Variants in HS6ST3 observed in about 807,000 individuals in gnomAD.
HS6ST3 encodes heparan sulfate 6-O-sulfotransferase 3.
In HS6ST3, 12 loss-of-function variants were observed where a neutral mutation model predicts 36.7. The ratio of observed to expected loss-of-function variants is 0.33; its 90% CI spans 0.21 to 0.53. HS6ST3 has a LOEUF of 0.53. HS6ST3 is among the 20% of genes least tolerant of loss of function. The pLI is 0.95. For missense variants in HS6ST3, 584 were observed against 640.9 expected, an observed-to-expected ratio of 0.91 and a Z score of 0.96; for synonymous variants, 240 against 257.5, an observed-to-expected ratio of 0.93 and a Z score of 0.65.
chr13:96,486,852 G>A (rs569507868), intron 1 of HS6ST3, among the ~76,000 whole-genome samples: 7 of 152,266 alleles, frequency 4.6e-5, no homozygotes, highest in Admixed American at 2.0e-4. Flanking sequence ...TGAGAAGGCA[G>A]TAAACTAAGA....
intron 1 of HS6ST3, among the ~76,000 whole-genome samples, chr13:96,349,207 T>C (rs114070066): frequency 0.022 from 3,366 of 152,290 alleles, 123 homozygotes; most frequent in African/African-American, 0.078. Flanking sequence ...TTAGTGGAGA[T>C]TGGTCTGCTA....
chr13:96,387,775 CT>C (rs1048682723), intron 1 of HS6ST3, among the ~76,000 whole-genome samples: 89 of 152,160 alleles, frequency 5.8e-4, no homozygotes, highest in African/African-American at 2.1e-3. Context: ...TTCCTTATCC[CT>C]TTATTTATTT....
intron 1 of HS6ST3, among the ~76,000 whole-genome samples, chr13:96,409,960 C>T (rs975423787): frequency 2.0e-5 from 3 of 151,880 alleles, no homozygotes; most frequent in Admixed American, 6.6e-5. Flanking sequence ...ATTCCTACCC[C>T]GAGCAGTATG....
chr13:96,406,245 A>T (rs890010685), intron 1 of HS6ST3, among the ~76,000 whole-genome samples: 1 of 152,240 alleles, frequency 6.6e-6, no homozygotes, highest in Non-Finnish European at 1.5e-5. Flanking sequence ...TTAATTATGA[A>T]AACAATGTAA....
At position 96,673,128 on chromosome 13, in the gene HS6ST3, T is replaced by C. The variant is rs571412583; in HGVS notation, c.708-159362T>C. Among the ~76,000 whole-genome samples, 90 of 152,254 alleles carry C rather than the reference T, an allele frequency of 5.9e-4. 1 individual carries two copies. Among genetic ancestry groups the C allele is most frequent in the African/African-American group, 2.1e-3 (88 of 41,578 alleles). On this transcript the variant is annotated intron_variant, in intron 1 of 1. Coordinates refer to ENST00000376705, the MANE Select transcript of HS6ST3 (RefSeq NM_153456.4). ...TACGCTGGTGGCCATATCACATCAG[T>C]CTTCAAGGCCAGCATCTTTAAGTCT...
chr13:96,532,542 C>T (rs1462169899), intron 1 of HS6ST3, among the ~76,000 whole-genome samples: 1 of 152,176 alleles, frequency 6.6e-6, no homozygotes, highest in African/African-American at 2.4e-5. Flanking sequence ...CTAAGCAGGA[C>T]TCAAAGAAGG....
chr13:96,380,255 A>G, intron 1 of HS6ST3, among the ~76,000 whole-genome samples: 1 of 131,974 alleles, frequency 7.6e-6, no homozygotes, highest in East Asian at 2.2e-4. Context: ...TACTAGTTTT[A>G]AGTTAGCACT....
At chr13:96,096,454 C>T (rs917584449) in intron 1 of HS6ST3, among the ~76,000 whole-genome samples, 5 of 152,204 alleles carry the variant, frequency 3.3e-5, no homozygotes, top group East Asian at 1.9e-4. Context: ...TTTTAAGTTT[C>T]GTTAGTTCTA....
intron 1 of HS6ST3, among the ~76,000 whole-genome samples, chr13:96,573,326 C>A (rs1274355790): frequency 6.6e-6 from 1 of 152,138 alleles, no homozygotes; most frequent in Non-Finnish European, 1.5e-5. Flanking sequence ...TAAAGAGGTA[C>A]ATATGCCTTT....
intron 1 of HS6ST3, among the ~76,000 whole-genome samples, chr13:96,738,369 T>C (rs546369653): frequency 6.6e-6 from 1 of 151,428 alleles, no homozygotes; most frequent in South Asian, 2.1e-4. Flanking sequence ...TCAAAGAATG[T>C]CCATTCTTTG....
chr13:96,547,808 G>T (rs1398786834), intron 1 of HS6ST3, among the ~76,000 whole-genome samples: 2 of 152,092 alleles, frequency 1.3e-5, no homozygotes, highest in African/African-American at 2.4e-5. Context: ...GCTTAGCATT[G>T]CTTGGTCTGT....
chr13:96,255,887 T>C (rs2054634481), intron 1 of HS6ST3, among the ~76,000 whole-genome samples: 1 of 152,180 alleles, frequency 6.6e-6, no homozygotes, highest in African/African-American at 2.4e-5. Flanking sequence ...GAAGGCACAA[T>C]GTTTGACCCT....
At chr13:96,315,146 TCATAA>T (rs1229777498) in intron 1 of HS6ST3, among the ~76,000 whole-genome samples, 1 of 152,190 alleles carries the variant, frequency 6.6e-6, no homozygotes, top group Non-Finnish European at 1.5e-5. Context: ...AATCAGTGAC[TCATAA>T]CATACTACAC....
intron 1 of HS6ST3, among the ~76,000 whole-genome samples, chr13:96,644,332 C>T (rs1410457284): frequency 6.6e-6 from 1 of 152,000 alleles, no homozygotes; most frequent in Admixed American, 6.6e-5. Flanking sequence ...GATTCGGGGT[C>T]ATATGTTACT....
intron 1 of HS6ST3, among the ~76,000 whole-genome samples, chr13:96,709,358 A>G (rs1343739084): frequency 6.6e-6 from 1 of 151,880 alleles, no homozygotes; most frequent in East Asian, 1.9e-4. Context: ...ATGTAAACAC[A>G]AACACACGAC....
At chr13:96,233,341 G>T (rs939747177) in intron 1 of HS6ST3, among the ~76,000 whole-genome samples, 23 of 152,284 alleles carry the variant, frequency 1.5e-4, no homozygotes, top group Middle Eastern at 3.4e-3. Context: ...GTAGAATATT[G>T]CAGTGTTGCA....
chr13:96,653,899 T>C lies in HS6ST3; in HGVS notation c.708-178591T>C, dbSNP rs145742444. Among the ~76,000 whole-genome samples, 50 of 152,354 alleles carry C rather than the reference T, an allele frequency of 3.3e-4. No homozygotes were observed. The East Asian group carries it at 9.4e-3, about 29-fold the overall frequency. ...TTCCTGACTTTTTAACGGTCACCAT[T>C]CTAACTGGCGTGAGATGGTATGTCA... is the stretch of plus-strand genomic sequence containing the variant. On this transcript the variant is annotated intron_variant, in intron 1 of 1. Transcript: ENST00000376705.
intron 1 of HS6ST3, among the ~76,000 whole-genome samples, chr13:96,786,870 A>T (rs944026583): frequency 1.7e-3 from 1 of 590 alleles, no homozygotes; most frequent in Non-Finnish European, 3.7e-3. Context: ...CCCTCATGCT[A>T]CCCTTTTTAA....
At chr13:96,301,727 A>G (rs1182305872) in intron 1 of HS6ST3, among the ~76,000 whole-genome samples, 3 of 151,908 alleles carry the variant, frequency 2.0e-5, no homozygotes, top group Non-Finnish European at 4.4e-5. Flanking sequence ...TCCCATCTCT[A>G]CTAAAAATAC....
Sources: gnomAD v4.1 joint callset for allele counts (sites outside exome capture counted in the v4.1 genomes callset) on GRCh38, gnomAD v4.1.1 for gene constraint, MANE v1.5 for transcripts, NCBI Gene and HGNC (gene_info 2026-07-23, HGNC 2026-07-21) for gene names.